PPP1R12A: variants seen among roughly 807,000 people sequenced by gnomAD.
The protein encoded by PPP1R12A is myosin binding subunit.
A neutral mutation model predicts 139.6 loss-of-function variants in PPP1R12A; 19 were observed. The observed-to-expected ratio is 0.14, with a 90% CI of 0.09 to 0.20. The LOEUF (loss-of-function observed/expected upper bound fraction) is 0.20, where lower values mean the gene tolerates loss of function less well. PPP1R12A is among the 10% of genes least tolerant of loss of function. The pLI is 1.00. For missense variants in PPP1R12A, 925 were observed against 1,211.5 expected (o/e 0.76, Z 3.51); for synonymous variants, 427 against 420.6 (o/e 1.02, Z -0.19).
intron 1 of PPP1R12A, among the ~76,000 whole-genome samples, chr12:79,902,464 A>AT (rs1422520743): frequency 1.3e-5 from 2 of 152,140 alleles, no homozygotes; most frequent in Non-Finnish European, 2.9e-5. Context: ...AAAAAGTGAT[A>AT]TTTTTATTTT....
At chr12:79,801,047 A>T (rs1026093095) in intron 14 of PPP1R12A, among the ~76,000 whole-genome samples, 3 of 151,190 alleles carry the variant, frequency 2.0e-5, no homozygotes, top group African/African-American at 7.3e-5. Context: ...TGCTACTTTT[A>T]AAAAAGGCTC....
At chr12:79,868,850 G>A (rs1337322531) in intron 2 of PPP1R12A, among the ~76,000 whole-genome samples, 2 of 151,938 alleles carry the variant, frequency 1.3e-5, no homozygotes, top group African/African-American at 4.8e-5. Flanking sequence ...GGAAAAGAAT[G>A]ATGTTAATGC....
intron 2 of PPP1R12A, among the ~76,000 whole-genome samples, chr12:79,853,183 T>C (rs2137247296): frequency 6.6e-6 from 1 of 152,222 alleles, no homozygotes; most frequent in East Asian, 1.9e-4. Flanking sequence ...TTGGTTGAAG[T>C]AGAATGGTTA....
chr12:79,887,074 A>C (rs976209136), intron 1 of PPP1R12A, among the ~76,000 whole-genome samples: 6 of 152,158 alleles, frequency 3.9e-5, no homozygotes, highest in African/African-American at 9.7e-5. Context: ...GTAATGCAGT[A>C]AGTCATTCAT....
At chr12:79,795,040 T>C (rs1872354172) in intron 18 of PPP1R12A, among the ~76,000 whole-genome samples, 1 of 152,088 alleles carries the variant, frequency 6.6e-6, no homozygotes, top group African/African-American at 2.4e-5. Flanking sequence ...ATTACATAGA[T>C]ATGCTCCTAT....
intron 1 of PPP1R12A, among the ~76,000 whole-genome samples, chr12:79,898,021 T>C (rs1885286486): frequency 6.6e-6 from 1 of 152,256 alleles, no homozygotes; most frequent in Admixed American, 6.5e-5. Flanking sequence ...TGTAATACTC[T>C]ACCAGCAGAT....
chr12:79,910,364 C>T (rs1049230347), intron 1 of PPP1R12A, among the ~76,000 whole-genome samples: 13 of 152,010 alleles, frequency 8.6e-5, no homozygotes, highest in Admixed American at 7.2e-4. Flanking sequence ...CTTGTAATCC[C>T]AGCTACTCGG....
intron 2 of PPP1R12A, among the ~76,000 whole-genome samples, chr12:79,858,979 C>T (rs574518446): frequency 8.6e-5 from 13 of 151,952 alleles, no homozygotes; most frequent in African/African-American, 1.7e-4. Context: ...ATGGCTACAA[C>T]GCAAAATAAT....
At position 79,899,233 on chromosome 12, in the gene PPP1R12A, AATATATATATATATATATATAT is replaced by A. The variant is rs58319454; in HGVS notation, c.238-26317_238-26296del. Among the ~76,000 whole-genome samples the A allele has an allele frequency of 1.5e-3, 219 of 141,928 alleles. 1 individual carries two copies. The highest frequency in any genetic ancestry group is 4.6e-3 in the African/African-American group (179 of 39,108). 93.1% of individuals were successfully genotyped at this position (141,928 alleles called of 152,430 possible). A position where few individuals can be genotyped will look rare whatever the true frequency, so the allele number is the denominator to read the frequency against. ...TACAATGAAATGCAGAGATCTTAAA[AATATATATATATATATATATAT>A]ATATATATATATATATATATATATA... On this transcript the variant is annotated intron_variant, in intron 1 of 24. Coordinates refer to ENST00000450142, the MANE Select transcript of PPP1R12A (RefSeq NM_002480.3).
intron 1 of PPP1R12A, among the ~76,000 whole-genome samples, chr12:79,912,692 T>TAA (rs77850230): frequency 1.5e-5 from 2 of 134,318 alleles, no homozygotes; most frequent in Non-Finnish European, 3.2e-5. Flanking sequence ...AAGCCTGATT[T>TAA]AAAAAAAAAA....
intron 21 of PPP1R12A, chr12:79,786,815 G>A (rs956081866): frequency 1.2e-5 from 2 of 161,312 alleles, no homozygotes; most frequent in African/African-American, 4.8e-5. Flanking sequence ...GAGTCACTGT[G>A]ATCTTTATTT....
At chr12:79,887,094 T>C (rs931710468) in intron 1 of PPP1R12A, among the ~76,000 whole-genome samples, 1 of 152,186 alleles carries the variant, frequency 6.6e-6, no homozygotes, top group African/African-American at 2.4e-5. Flanking sequence ...TTTTGGTAGA[T>C]ACAAAGACCA....
intron 9 of PPP1R12A, among the ~76,000 whole-genome samples, chr12:79,810,816 T>C (rs537915425): frequency 1.1e-4 from 17 of 152,282 alleles, no homozygotes; most frequent in African/African-American, 3.8e-4. Context: ...GTATATACTC[T>C]GGTTAAAAAA....
At chr12:79,900,443 A>G (rs1261573938) in intron 1 of PPP1R12A, among the ~76,000 whole-genome samples, 1 of 152,190 alleles carries the variant, frequency 6.6e-6, no homozygotes, top group African/African-American at 2.4e-5. Flanking sequence ...TAATAGGCAC[A>G]CAAATATTTG....
chr12:79,935,191 G>T (rs954229329), upstream of PPP1R12A: 16 of 1,321,952 alleles, frequency 1.2e-5, no homozygotes, highest in African/African-American at 2.3e-4. Flanking sequence ...CCAATCTAAC[G>T]TAACTTCGCG....
intron 1 of PPP1R12A, among the ~76,000 whole-genome samples, chr12:79,875,524 CAACT>C (rs1883014229): frequency 2.6e-5 from 4 of 152,082 alleles, no homozygotes; most frequent in Admixed American, 2.0e-4. Context: ...CTATGATAAA[CAACT>C]AATACACAAC....
rs868331526 is a variant in PPP1R12A at position 79,927,344 on chromosome 12, A to G, written c.237+7351T>C. ...TTGTTGCTGCTGATATATTCTGCAC[A>G]TAATGGTAAGTCAAAAATAATCTTG... is the stretch of plus-strand genomic sequence containing the variant. On this transcript the variant is annotated intron_variant, in intron 1 of 24. Coordinates refer to ENST00000450142, the MANE Select transcript of PPP1R12A (RefSeq NM_002480.3). Among the ~76,000 whole-genome samples the G allele has an allele frequency of 7.2e-5, 11 of 152,372 alleles. 1 individual carries two copies. In the Middle Eastern group the frequency reaches 0.014, roughly 188 times the overall value.
intron 1 of PPP1R12A, among the ~76,000 whole-genome samples, chr12:79,876,718 A>C (rs1435701221): frequency 1.3e-5 from 2 of 152,202 alleles, no homozygotes; most frequent in Non-Finnish European, 2.9e-5. Flanking sequence ...AGAAAATGAC[A>C]AAGTTTCTAT....
intron 3 of PPP1R12A, among the ~76,000 whole-genome samples, chr12:79,837,690 C>T (rs756748632): frequency 5.9e-5 from 9 of 152,134 alleles, no homozygotes; most frequent in Non-Finnish European, 7.3e-5. Flanking sequence ...TGAGTGAGTT[C>T]TCACAAGATC....
Sources: allele counts gnomAD v4.1 joint callset (sites outside exome capture counted in the v4.1 genomes callset), GRCh38; gene constraint gnomAD v4.1.1; transcripts MANE v1.5; gene names NCBI Gene and HGNC (gene_info 2026-07-23, HGNC 2026-07-21).